Variants in KCTD8 observed in about 807,000 individuals in gnomAD.
KCTD8 encodes potassium channel tetramerization domain containing 8.
A neutral mutation model predicts 31.5 loss-of-function variants in KCTD8; 27 were observed. The ratio of observed to expected loss-of-function variants is 0.86; its 90% CI spans 0.63 to 1.18. The LOEUF is 1.18. KCTD8 is among the 50% of genes most tolerant of loss of function. KCTD8 has a pLI of 0.00. For missense variants in KCTD8, 658 were observed against 647.7 expected, an observed-to-expected ratio of 1.02 and a Z score of -0.17; for synonymous variants, 290 against 280.0, an observed-to-expected ratio of 1.04 and a Z score of -0.36.
intron 1 of KCTD8, among the ~76,000 whole-genome samples, chr4:44,367,876 C>CAA (rs11424950): frequency 0.14 from 20,371 of 145,412 alleles, 1,488 homozygotes; most frequent in East Asian, 0.25. Flanking sequence ...ATGATAGGAC[C>CAA]AAAAAAAAAA....
At chr4:44,384,629 G>T (rs1241972596) in intron 1 of KCTD8, among the ~76,000 whole-genome samples, 1 of 151,762 alleles carries the variant, frequency 6.6e-6, no homozygotes, top group African/African-American at 2.4e-5. Flanking sequence ...GCAGAGAAGG[G>T]TGTGAATGGG....
chr4:44,261,055 G>A (rs909395901), intron 1 of KCTD8, among the ~76,000 whole-genome samples: 1 of 152,000 alleles, frequency 6.6e-6, no homozygotes, highest in African/African-American at 2.4e-5. Flanking sequence ...GAAGTGGTAA[G>A]ACTTCAGCTC....
intron 1 of KCTD8, among the ~76,000 whole-genome samples, chr4:44,357,761 T>C (rs1719382038): frequency 6.6e-6 from 1 of 152,094 alleles, no homozygotes; most frequent in Non-Finnish European, 1.5e-5. Flanking sequence ...AGAGATTTTT[T>C]TTCATACATT....
Position 44,397,365 on chromosome 4 carries a change from G to GTA in KCTD8, c.961+50196_961+50197dup, listed in dbSNP as rs963736298. On this transcript the variant is annotated intron_variant, in intron 1 of 1. Transcript: ENST00000360029. ...ATATACGTATACATTATGTTTATAT[G>GTA]TATATATATGTATGCACATTCATAT... Among the ~76,000 whole-genome samples, 15 of 152,008 alleles carry GTA rather than the reference G, an allele frequency of 9.9e-5. 1 individual carries two copies. Among genetic ancestry groups the GTA allele is most frequent in the South Asian group, 4.2e-4 (2 of 4,818 alleles).
intron 1 of KCTD8, among the ~76,000 whole-genome samples, chr4:44,238,366 T>G (rs1026669939): frequency 6.6e-6 from 1 of 152,186 alleles, no homozygotes. Flanking sequence ...CTGGTTGTGA[T>G]GTATTCATGG....
chr4:44,379,395 C>T (rs1449105135), intron 1 of KCTD8, among the ~76,000 whole-genome samples: 1 of 152,088 alleles, frequency 6.6e-6, no homozygotes, highest in African/African-American at 2.4e-5. Context: ...AATTAGAGCG[C>T]ACCAAGTGAT....
chr4:44,288,695 T>G (rs1214932891), intron 1 of KCTD8, among the ~76,000 whole-genome samples: 2 of 152,178 alleles, frequency 1.3e-5, no homozygotes, highest in African/African-American at 4.8e-5. Context: ...ACATCTGTTC[T>G]TCTATCTCAG....
At chr4:44,212,840 CT>C (rs1714531033) in intron 1 of KCTD8, among the ~76,000 whole-genome samples, 3 of 152,134 alleles carry the variant, frequency 2.0e-5, no homozygotes, top group Admixed American at 1.3e-4. Flanking sequence ...ATTGTGATTA[CT>C]GACAATAACT....
chr4:44,359,108 A>G (rs1719432781), intron 1 of KCTD8, among the ~76,000 whole-genome samples: 1 of 152,150 alleles, frequency 6.6e-6, no homozygotes, highest in Non-Finnish European at 1.5e-5. Context: ...CCAGTTCTAT[A>G]GGTTGCCTGT....
intron 1 of KCTD8, among the ~76,000 whole-genome samples, chr4:44,225,515 G>A (rs1714931230): frequency 2.0e-5 from 3 of 151,808 alleles, no homozygotes; most frequent in Non-Finnish European, 4.4e-5. Context: ...ATTTCATATC[G>A]GATTTGGTAC....
chr4:44,287,440 A>G (rs993910662), intron 1 of KCTD8, among the ~76,000 whole-genome samples: 5 of 152,212 alleles, frequency 3.3e-5, no homozygotes, highest in African/African-American at 1.2e-4. Flanking sequence ...AATAGAATTG[A>G]AAGTGTCTAT....
At chr4:44,304,829 T>C (rs973504060) in intron 1 of KCTD8, among the ~76,000 whole-genome samples, 4 of 151,926 alleles carry the variant, frequency 2.6e-5, no homozygotes, top group African/African-American at 9.7e-5. Flanking sequence ...CACAAAAATA[T>C]ATGCATTTGT....
intron 1 of KCTD8, among the ~76,000 whole-genome samples, chr4:44,241,583 G>A (rs761325461): frequency 1.3e-5 from 2 of 152,218 alleles, no homozygotes; most frequent in Non-Finnish European, 2.9e-5. Flanking sequence ...CAGTACATAT[G>A]CACAGGGCAG....
At chr4:44,176,599 A>C (rs1713223340) in intron 1 of KCTD8, among the ~76,000 whole-genome samples, 5 of 152,144 alleles carry the variant, frequency 3.3e-5, no homozygotes, top group Admixed American at 3.3e-4. Flanking sequence ...TTTTTTTTCT[A>C]TTCAAAAATT....
At chr4:44,218,679 G>T (rs1482134079) in intron 1 of KCTD8, among the ~76,000 whole-genome samples, 1 of 151,508 alleles carries the variant, frequency 6.6e-6, no homozygotes, top group Non-Finnish European at 1.5e-5. Context: ...AAATATCCAT[G>T]TTTGGTTACT....
rs145235887 is a variant in KCTD8, at chr4:44,207,774, T to C, written c.962-32524A>G. Reference sequence around the variant, plus strand: ...AATGCTACACAAGCACTGAACATAATATAGCAAAAACTCCTTTGTAACAGA... The same window carrying C: ...AATGCTACACAAGCACTGAACATAACATAGCAAAAACTCCTTTGTAACAGA... On this transcript the variant is annotated intron_variant, in intron 1 of 1. Coordinates refer to ENST00000360029, the MANE Select transcript of KCTD8 (RefSeq NM_198353.3). 4.0e-3 allele frequency among the ~76,000 whole-genome samples: 610 copies of C among 152,296 alleles called. 2 individuals carry two copies. Among genetic ancestry groups the C allele is most frequent in the South Asian group, 0.012 (56 of 4,832 alleles).
At chr4:44,260,380 A>T (rs976627512) in intron 1 of KCTD8, among the ~76,000 whole-genome samples, 1 of 151,886 alleles carries the variant, frequency 6.6e-6, no homozygotes, top group African/African-American at 2.4e-5. Context: ...CTTTCAAGGG[A>T]TTTACCTTCC....
intron 1 of KCTD8, among the ~76,000 whole-genome samples, chr4:44,198,474 A>T (rs1458404890): frequency 6.6e-6 from 1 of 152,202 alleles, no homozygotes; most frequent in Non-Finnish European, 1.5e-5. Flanking sequence ...CAGAAACCTC[A>T]CAAGTCAGAA....
chr4:44,280,265 T>G (rs1471050884), intron 1 of KCTD8, among the ~76,000 whole-genome samples: 1 of 151,996 alleles, frequency 6.6e-6, no homozygotes, highest in Non-Finnish European at 1.5e-5. Context: ...ATGATAAAAA[T>G]AAAAGCCCTA....
Sources: gnomAD v4.1 joint callset for allele counts (sites outside exome capture counted in the v4.1 genomes callset) on GRCh38, gnomAD v4.1.1 for gene constraint, MANE v1.5 for transcripts, NCBI Gene and HGNC (gene_info 2026-07-23, HGNC 2026-07-21) for gene names.